The following HERC5 variants were observed in gnomAD, a reference collection of about 807,000 sequenced individuals.
The protein encoded by HERC5 is E3 ISG15--protein ligase HERC5.
Under a neutral mutation model 119.6 loss-of-function variants are expected in HERC5, and 99 were observed. The observed-to-expected ratio is 0.83, with a 90% confidence interval of 0.70 to 0.98. The LOEUF (loss-of-function observed/expected upper bound fraction) is 0.98, where lower values mean the gene tolerates loss of function less well. Among genes scored for constraint, HERC5 ranks in the 50% least tolerant of loss-of-function variants. The pLI, the probability that HERC5 is intolerant of heterozygous loss-of-function variation, is 0.00. For synonymous variants in HERC5, 478 were observed against 445.9 expected (o/e 1.07, Z -0.91); for missense variants, 1,267 against 1,241.3 (o/e 1.02, Z -0.31).
intron 6 of HERC5, among the ~76,000 whole-genome samples, chr4:88,464,974 G>T (rs1399677676): frequency 1.3e-5 from 2 of 152,060 alleles, no homozygotes; most frequent in African/African-American, 2.4e-5. Flanking sequence ...GTTTCACTGT[G>T]TTAGCCAGGA....
Position 88,457,533 on chromosome 4 carries a change from G to T in HERC5, c.264G>T (p.Pro88=). The T allele has an allele frequency of 1.6e-6, 2 of 1,267,924 alleles. No individual in the cohort carries two copies. Among genetic ancestry groups the T allele is most frequent in the East Asian group, 3.0e-5 (1 of 33,232 alleles). The allele number at this position is 1,267,924 out of a possible 1,614,324, so 78.5% of individuals were successfully genotyped here. The part of the protein sequence containing the change: ...LLAGSGGART[P]KCIKLGKNMK... ...CCGGGAGCGGCGGCGCCCGGACGCCGAGTGAGTGGGGCTGGTGTGTGAGGG... is the reference window on the plus strand; with the variant it reads ...CCGGGAGCGGCGGCGCCCGGACGCCTAGTGAGTGGGGCTGGTGTGTGAGGG... Residue 88 remains proline (P), a splice_region_variant and synonymous_variant, in exon 1 of 23, where the codon CCG becomes CCT. Transcript: ENST00000264350.
At chr4:88,459,126 A>T (rs1236388528) in intron 1 of HERC5, among the ~76,000 whole-genome samples, 1 of 152,216 alleles carries the variant, frequency 6.6e-6, no homozygotes, top group African/African-American at 2.4e-5. Flanking sequence ...ACAACAAAGT[A>T]TACATCAATA....
rs868301145 is a variant in HERC5, at chr4:88,503,928, A to G, written c.2583-304A>G. Among the ~76,000 whole-genome samples the G allele has an allele frequency of 6.6e-5, 10 of 152,216 alleles. No homozygotes were observed. The East Asian group carries it at 9.7e-4, about 15-fold the overall frequency. ...AAAAATACAAAAAAATTAGCTGGGC[A>G]TGGTGGCAGGCACGTGTAATCCCAG... is the stretch of plus-strand genomic sequence containing the variant. On this transcript the variant is annotated intron_variant, in intron 20 of 22. Transcript: ENST00000264350.
In HERC5 at chr4:88,475,849, C is replaced by G. The variant is rs183776864; in HGVS notation, c.1401C>G (p.Thr467=). 5.0e-5 allele frequency: 80 copies of G among 1,613,872 alleles called. No homozygotes were observed. In the African/African-American group the frequency reaches 9.5e-4, roughly 19 times the overall value. The part of the protein sequence containing the change: ...QKDWITNMIT[T]CLKDNLLKRL... Reference sequence around the variant, plus strand: ...TTCCTTTCTGACCACAGATAACCACCTGCCTCAAAGATAATCTGCTCAAAA... The same window carrying G: ...TTCCTTTCTGACCACAGATAACCACGTGCCTCAAAGATAATCTGCTCAAAA... Residue 467 remains threonine (T), a synonymous_variant, in exon 12 of 23, where the codon ACC becomes ACG. Transcript: ENST00000264350.
chr4:88,498,170 A>T (rs1168339870), intron 18 of HERC5, among the ~76,000 whole-genome samples: 3 of 152,170 alleles, frequency 2.0e-5, no homozygotes, highest in Non-Finnish European at 4.4e-5. Context: ...GAACTGGCAC[A>T]GGGTTGAGGC....
intron 11 of HERC5, among the ~76,000 whole-genome samples, chr4:88,474,670 T>A (rs1740996527): frequency 6.6e-6 from 1 of 152,206 alleles, no homozygotes; most frequent in African/African-American, 2.4e-5. Context: ...ATTAAGAATT[T>A]GGGCTTTGGA....
chr4:88,461,237 A>G (rs1179691312), intron 3 of HERC5, among the ~76,000 whole-genome samples: 1 of 152,232 alleles, frequency 6.6e-6, no homozygotes, highest in Non-Finnish European at 1.5e-5. Flanking sequence ...TCATTCATTC[A>G]TGAACAAATA....
intron 10 of HERC5, among the ~76,000 whole-genome samples, chr4:88,471,771 C>A (rs1269728847): frequency 6.6e-6 from 1 of 152,166 alleles, no homozygotes; most frequent in East Asian, 1.9e-4. Flanking sequence ...TTTTGGTTCC[C>A]ACTTTTCAGT....
chr4:88,490,602 A>G (rs1349438762), intron 16 of HERC5, among the ~76,000 whole-genome samples: 1 of 152,118 alleles, frequency 6.6e-6, no homozygotes, highest in Non-Finnish European at 1.5e-5. Context: ...CTAGCACTTT[A>G]GGAGACTGAG....
Position 88,499,781 on chromosome 4 carries a change from C to T in HERC5, c.2445-145C>T. ...TAGTTGAGGTCTGGCCCTGTTTAGA[C>T]TATCAGTACGCAGAGAAAGAGGTGC... On this transcript the variant is annotated intron_variant, in intron 18 of 22. Transcript: ENST00000264350. 4 of 537,422 alleles carry T rather than the reference C, an allele frequency of 7.4e-6. 1 individual carries two copies. The highest frequency in any genetic ancestry group is 1.3e-5 in the Non-Finnish European group (4 of 302,656). The allele number at this position is 537,422 out of a possible 1,614,324, so 33.3% of individuals were successfully genotyped here. A position where few individuals can be genotyped will look rare whatever the true frequency, so the allele number is the denominator to read the frequency against.
chr4:88,472,615 A>G (rs1740912168), intron 11 of HERC5, 113 bp downstream of exon 11: 2 of 731,082 alleles, frequency 2.7e-6, no homozygotes, highest in Non-Finnish European at 4.8e-6. Context: ...ACCTTGTAGC[A>G]TATTCAGATT....
chr4:88,499,753 G>C (rs964030265), intron 18 of HERC5, among the ~76,000 whole-genome samples, 173 bp from the exon 19 acceptor site: 3 of 152,340 alleles, frequency 2.0e-5, no homozygotes, highest in African/African-American at 7.2e-5. Context: ...AATTTGACAT[G>C]TTTAGTTGAG....
chr4:88,472,472 G>A lies in HERC5; in HGVS notation c.1362G>A (p.Glu454=). 2 of 1,600,870 alleles carry A rather than the reference G, an allele frequency of 1.2e-6. No individual in the cohort carries two copies. The highest frequency in any genetic ancestry group is 1.7e-6 in the Non-Finnish European group (2 of 1,169,540). ...ATAAAGCAAGAAACATCTTCAAGGA[G>A]TTAACCCAAAAGGACTGGATTACTA... ...DLNKARNIFK[E]LTQKDWITNM... The change falls in exon 11 of 23, where the codon GAG becomes GAA. Residue 454 remains glutamate, a synonymous_variant. Transcript: ENST00000264350.
intron 12 of HERC5, among the ~76,000 whole-genome samples, chr4:88,477,431 G>C (rs1357717572): frequency 1.4e-5 from 1 of 70,596 alleles, no homozygotes; most frequent in Non-Finnish European, 2.7e-5. Context: ...GAAGGGAAGG[G>C]AAAGGGACGG....
Position 88,505,898 on chromosome 4 carries a change from G to T in HERC5, c.*20G>T, listed in dbSNP as rs772551100. 1.2e-5 allele frequency: 19 copies of T among 1,562,176 alleles called. No homozygotes were observed. The Admixed American group carries it at 3.2e-4, about 26-fold the overall frequency. On this transcript the variant is annotated 3_prime_UTR_variant, in exon 23 of 23. Transcript: ENST00000264350. ...GGCTGACCAGCTTGCTTGTCCAACA[G>T]CCTTATTTTGTTGTTGTTATCGTTG...
Position 88,457,461 on chromosome 4 carries a change from G to C in HERC5, c.192G>C (p.Ala64=). Residue 64 remains alanine, a synonymous_variant, in exon 1 of 23, where the codon GCG becomes GCC. Coordinates refer to ENST00000264350, the MANE Select transcript of HERC5 (RefSeq NM_016323.4). ...RQLCCSPGRL[A]VLERGGAGVQ... is the part of the protein sequence containing the mutation. Reference sequence around the variant, plus strand: ...TCTGCTGCTCGCCGGGGCGCCTCGCGGTCTTGGAACGCGGCGGGGCGGGCG... The same window carrying C: ...TCTGCTGCTCGCCGGGGCGCCTCGCCGTCTTGGAACGCGGCGGGGCGGGCG... 7.5e-7 allele frequency: 1 copy of C among 1,336,072 alleles called. No individual in the cohort carries two copies. Among genetic ancestry groups the C allele is most frequent in the Non-Finnish European group, 9.6e-7 (1 of 1,044,608 alleles). 82.8% of individuals were successfully genotyped at this position (1,336,072 alleles called of 1,614,324 possible).
chr4:88,500,844 A>C, intron 19 of HERC5, 71 bp from the exon 20 acceptor site: 1 of 1,110,200 alleles, frequency 9.0e-7, no homozygotes, highest in Admixed American at 2.1e-5. Flanking sequence ...TATGCTCCAA[A>C]GTGTTTTTAT....
intron 18 of HERC5, among the ~76,000 whole-genome samples, chr4:88,495,305 C>T (rs769122250): frequency 2.0e-5 from 3 of 152,020 alleles, no homozygotes; most frequent in Middle Eastern, 3.2e-3. Flanking sequence ...CCCAGCACTG[C>T]GGGGAGGCTG....
rs895320046 is a variant in HERC5 at position 88,457,925 on chromosome 4, C to G, written c.265+391C>G. On this transcript the variant is annotated intron_variant, in intron 1 of 22. Transcript: ENST00000264350. ...TAGTCACTGCTCCAACTTTGGGAGT[C>G]GTTCTCAGTGATGGGATTTTACCTT... is the stretch of plus-strand genomic sequence containing the variant. 6 of 1,013,088 alleles carry G rather than the reference C, an allele frequency of 5.9e-6. No individual in the cohort carries two copies. In the African/African-American group the frequency reaches 1.0e-4, roughly 17 times the overall value. 62.8% of individuals were successfully genotyped at this position (1,013,088 alleles called of 1,614,324 possible). A position where few individuals can be genotyped will look rare whatever the true frequency, so the allele number is the denominator to read the frequency against.
Sources: allele counts gnomAD v4.1 joint callset (sites outside exome capture counted in the v4.1 genomes callset), GRCh38; gene constraint gnomAD v4.1.1; transcripts MANE v1.5; gene names NCBI Gene and HGNC (gene_info 2026-07-23, HGNC 2026-07-21).